ZNF493: variants seen among roughly 807,000 people sequenced by gnomAD.
ZNF493 encodes zinc finger protein 493.
ZNF493 carries 11 observed loss-of-function variants against 12.2 expected under a neutral mutation model. That is an observed-to-expected ratio of 0.90 (90% CI 0.57 to 1.50). The LOEUF (loss-of-function observed/expected upper bound fraction) is 1.50, where lower values mean the gene tolerates loss of function less well. Ranked by LOEUF, ZNF493 falls within the 40% of genes most tolerant of loss-of-function variation. The pLI is 0.00. For missense variants in ZNF493, 950 were observed against 906.6 expected (o/e 1.05, Z -0.61); for synonymous variants, 286 against 302.6 (o/e 0.95, Z 0.57).
At chr19:21,410,866 C>T (rs1247010309) in intron 3 of ZNF493, among the ~76,000 whole-genome samples, 1 of 151,936 alleles carries the variant, frequency 6.6e-6, no homozygotes, top group Non-Finnish European at 1.5e-5. Context: ...GATGTTGGGT[C>T]ACGGCAACTT....
intron 3 of ZNF493, among the ~76,000 whole-genome samples, chr19:21,421,532 A>C (rs1246725537): frequency 6.6e-6 from 1 of 151,800 alleles, no homozygotes. Flanking sequence ...TGCCAGACTA[A>C]TTTTGTATTT....
intron 2 of ZNF493, 166 bp from the exon 3 acceptor site, chr19:21,405,595 A>G: frequency 3.6e-6 from 4 of 1,116,868 alleles, no homozygotes; most frequent in Non-Finnish European, 4.8e-6. Flanking sequence ...TTAAGCACCT[A>G]CAAATTTAAA....
chr19:21,407,598 T>A (rs932421164), intron 3 of ZNF493: 119 of 976,996 alleles, frequency 1.2e-4, no homozygotes, highest in Non-Finnish European at 1.1e-4. Flanking sequence ...CTAATAAAAA[T>A]TTTTTTATTT....
intron 3 of ZNF493, among the ~76,000 whole-genome samples, chr19:21,419,926 C>T (rs2562412): frequency 0.031 from 4,671 of 152,148 alleles, 166 homozygotes; most frequent in African/African-American, 0.073. Context: ...TGGTGCCAAC[C>T]CCCACATGAT....
intron 3 of ZNF493, among the ~76,000 whole-genome samples, chr19:21,421,859 T>C (rs2030689409): frequency 6.6e-6 from 1 of 152,146 alleles, no homozygotes; most frequent in South Asian, 2.1e-4. Flanking sequence ...TTCATCTTTT[T>C]TTTTGGAGAT....
intron 3 of ZNF493, among the ~76,000 whole-genome samples, chr19:21,407,125 A>C (rs2030156862): frequency 6.6e-6 from 1 of 151,994 alleles, no homozygotes; most frequent in Admixed American, 6.6e-5. Flanking sequence ...AGGCCGGTGG[A>C]TCACTTGAGT....
At chr19:21,412,294 C>A (rs1031926595) in intron 3 of ZNF493, 1 of 152,248 alleles carries the variant, frequency 6.6e-6, no homozygotes, top group Non-Finnish European at 1.5e-5. Context: ...GCAGCAGGAG[C>A]ATGTCCTTAA....
chr19:21,406,140 T>C (rs2030118482), intron 3 of ZNF493, among the ~76,000 whole-genome samples: 2 of 151,926 alleles, frequency 1.3e-5, no homozygotes, highest in African/African-American at 4.8e-5. Flanking sequence ...GAGAATTGCT[T>C]GAAACCGGGA....
intron 3 of ZNF493, among the ~76,000 whole-genome samples, chr19:21,411,571 T>C (rs2030328186): frequency 6.6e-6 from 1 of 151,852 alleles, no homozygotes; most frequent in East Asian, 1.9e-4. Flanking sequence ...ATACAAAAAA[T>C]TAGCAGGGTG....
chr19:21,423,916 C>T lies in ZNF493; in HGVS notation c.1257C>T (p.His419=), dbSNP rs557848911. 5.1e-5 allele frequency: 83 copies of T among 1,613,360 alleles called. No individual in the cohort carries two copies. In the East Asian group the frequency reaches 1.8e-3, roughly 36 times the overall value. Residue 419 remains histidine, a synonymous_variant, in exon 4 of 4, where the codon CAC becomes CAT. Coordinates refer to ENST00000392288, the MANE Select transcript of ZNF493 (RefSeq NM_001076678.3). The part of the protein sequence containing the change: ...ECGKAYKESS[H]LTTHKRIHTG... Reference sequence around the variant, plus strand: ...GCAAAGCTTATAAGGAGTCTTCACACCTTACTACACATAAAAGAATTCATA... The same window carrying T: ...GCAAAGCTTATAAGGAGTCTTCACATCTTACTACACATAAAAGAATTCATA...
Position 21,424,077 on chromosome 19 carries a change from C to T in ZNF493, c.1418C>T (p.Ser473Phe). 1.2e-6 allele frequency: 2 copies of T among 1,611,332 alleles called. No homozygotes were observed. The highest frequency in any genetic ancestry group is 1.7e-6 in the Non-Finnish European group (2 of 1,178,484). Residue 473 changes from serine (S) to phenylalanine (F), a missense_variant, in exon 4 of 4, where the codon TCT becomes TTT. Transcript: ENST00000392288. Reference sequence around the variant, plus strand: ...GAATGTGGCAAAGCTTTTAAACGATCTTCAACCCTTACTAAACATAGGATA... The same window carrying T: ...GAATGTGGCAAAGCTTTTAAACGATTTTCAACCCTTACTAAACATAGGATA... ...CEECGKAFKRSSTLTKHRIIH... is the reference protein window; with the variant it reads ...CEECGKAFKRFSTLTKHRIIH...
Position 21,422,851 on chromosome 19 carries a change from T to G in ZNF493, c.254-62T>G, listed in dbSNP as rs908552257. 4 of 1,394,320 alleles carry G rather than the reference T, an allele frequency of 2.9e-6. No homozygotes were observed. The African/African-American group carries it at 5.8e-5, about 20-fold the overall frequency. 86.4% of individuals were successfully genotyped at this position (1,394,320 alleles called of 1,614,324 possible). A position where few individuals can be genotyped will look rare whatever the true frequency, so the allele number is the denominator to read the frequency against. ...GTTTGTATAATATTATAGTTTAGATTTGTAATCTATATTTATCTGAGTCTA... is the reference window on the plus strand; with the variant it reads ...GTTTGTATAATATTATAGTTTAGATGTGTAATCTATATTTATCTGAGTCTA... On this transcript the variant is annotated intron_variant, in intron 3 of 3. Coordinates refer to ENST00000392288, the MANE Select transcript of ZNF493 (RefSeq NM_001076678.3).
At chr19:21,421,823 GTTTA>G (rs1599380293) in intron 3 of ZNF493, among the ~76,000 whole-genome samples, 1 of 152,174 alleles carries the variant, frequency 6.6e-6, no homozygotes, top group South Asian at 2.1e-4. Context: ...GAAATTTTGT[GTTTA>G]TTTTTTAGTT....
rs2030824844 is a variant in ZNF493, at chr19:21,425,251, A to T, written c.*267A>T. On this transcript the variant is annotated 3_prime_UTR_variant, in exon 4 of 4. Coordinates refer to ENST00000392288, the MANE Select transcript of ZNF493 (RefSeq NM_001076678.3). The stretch of plus-strand genomic sequence containing the variant: ...TCCCTTACTAAACATAAGAGAATTC[A>T]TACCATAGAGAAATCCTACAAATAT... 3.9e-6 allele frequency: 2 copies of T among 512,872 alleles called. No homozygotes were observed. The highest frequency in any genetic ancestry group is 7.5e-5 in the East Asian group (2 of 26,674). 31.8% of individuals were successfully genotyped at this position (512,872 alleles called of 1,614,324 possible).
intron 3 of ZNF493, among the ~76,000 whole-genome samples, chr19:21,411,607 C>T (rs2030329266): frequency 6.6e-6 from 1 of 151,792 alleles, no homozygotes; most frequent in Admixed American, 6.6e-5. Flanking sequence ...GTAGTCCCAG[C>T]TACTTGGGAG....
intron 3 of ZNF493, among the ~76,000 whole-genome samples, chr19:21,409,842 C>G (rs2030262788): frequency 6.6e-6 from 1 of 152,078 alleles, no homozygotes; most frequent in African/African-American, 2.4e-5. Context: ...AAACCCAGTA[C>G]CCATTAAGTA....
chr19:21,407,833 ACAT>A, intron 3 of ZNF493: 1 of 985,378 alleles, frequency 1.0e-6, no homozygotes, highest in South Asian at 4.7e-5. Flanking sequence ...TTATTCTGCC[ACAT>A]GCTTCCAGTG....
Position 21,427,259 on chromosome 19 carries a change from AACT to A in ZNF493, c.*2277_*2279del. ...GTAATATTCTTTTGCATTATGAGAA[AACT>A]AGTATATTATTCATATATTTTACTA... is the stretch of plus-strand genomic sequence containing the variant. On this transcript the variant is annotated 3_prime_UTR_variant, in exon 4 of 4. Transcript: ENST00000392288. The A allele has an allele frequency of 6.0e-6, 1 of 166,952 alleles. No individual in the cohort carries two copies. Among genetic ancestry groups the A allele is most frequent in the South Asian group, 2.1e-4 (1 of 4,832 alleles). The allele number at this position is 166,952 out of a possible 1,614,324, so 10.3% of individuals were successfully genotyped here.
intron 1 of ZNF493, 72 bp downstream of exon 1, chr19:21,397,339 C>T (rs1292057596): frequency 1.9e-6 from 3 of 1,574,808 alleles, no homozygotes; most frequent in Non-Finnish European, 1.7e-6. Flanking sequence ...GTGGCTGTGG[C>T]GGGACTCAGG....
Sources: allele counts gnomAD v4.1 joint callset (sites outside exome capture counted in the v4.1 genomes callset), GRCh38; gene constraint gnomAD v4.1.1; transcripts MANE v1.5; gene names NCBI Gene and HGNC (gene_info 2026-07-23, HGNC 2026-07-21).